DAB2: variants seen among roughly 807,000 people sequenced by gnomAD.
The protein encoded by DAB2 is DAB adaptor protein 2.
DAB2 carries 28 observed loss-of-function variants against 71.6 expected under a neutral mutation model. The observed-to-expected ratio is 0.39, with a 90% CI of 0.29 to 0.54. DAB2 has a LOEUF of 0.54. Among genes scored for constraint, DAB2 ranks in the 20% least tolerant of loss-of-function variants. The pLI is 0.68. For synonymous variants in DAB2, 345 were observed against 339.7 expected (o/e 1.02, Z -0.17); for missense variants, 867 against 928.8 (o/e 0.93, Z 0.86).
At chr5:39,414,793 T>C (rs754302244) in intron 1 of DAB2, among the ~76,000 whole-genome samples, 23 of 152,148 alleles carry the variant, frequency 1.5e-4, no homozygotes, top group Non-Finnish European at 3.1e-4. Context: ...TTGCTCACTC[T>C]ATAATAAATT....
intron 2 of DAB2, among the ~76,000 whole-genome samples, 184 bp from the exon 3 acceptor site, chr5:39,393,577 G>A (rs1755286033): frequency 6.6e-6 from 1 of 152,096 alleles, no homozygotes; most frequent in Non-Finnish European, 1.5e-5. Context: ...AATCAACTGT[G>A]TATGGAGTTG....
Position 39,377,333 on chromosome 5 carries a change from T to C in DAB2, c.1505-51A>G, listed in dbSNP as rs552725652. Reference sequence around the variant, plus strand: ...TATCAGGAGTCAAGCTTGAAGAAGATTCTTGAATTTCAGAGAGCACAACTC... The same window carrying C: ...TATCAGGAGTCAAGCTTGAAGAAGACTCTTGAATTTCAGAGAGCACAACTC... On this transcript the variant is annotated intron_variant, in intron 11 of 14. Transcript: ENST00000320816. The C allele has an allele frequency of 1.1e-5, 17 of 1,554,368 alleles. No homozygotes were observed. The Admixed American group carries it at 3.0e-4, about 28-fold the overall frequency.
At chr5:39,390,195 C>T (rs1755192426) in intron 5 of DAB2, among the ~76,000 whole-genome samples, 2 of 152,268 alleles carry the variant, frequency 1.3e-5, no homozygotes, top group South Asian at 4.1e-4. Flanking sequence ...GAATAATTCA[C>T]CACTGTTGTG....
At chr5:39,399,002 G>A (rs1272288957) in intron 1 of DAB2, among the ~76,000 whole-genome samples, 1 of 152,002 alleles carries the variant, frequency 6.6e-6, no homozygotes, top group Non-Finnish European at 1.5e-5. Flanking sequence ...AAGGGATTGG[G>A]CCTAGAAAAG....
At chr5:39,418,875 G>A (rs139588161) in intron 1 of DAB2, among the ~76,000 whole-genome samples, 198 of 152,296 alleles carry the variant, frequency 1.3e-3, no homozygotes, top group African/African-American at 4.5e-3. Context: ...CAGGAGTTCT[G>A]AAGAGTTTTT....
At position 39,376,750 on chromosome 5, in the gene DAB2, C is replaced by G; in HGVS notation, c.2037G>C (p.Leu679Phe). 1 of 1,614,138 alleles carries G rather than the reference C, an allele frequency of 6.2e-7. No homozygotes were observed. ...RKGEQTSSGT[L>F]SAFASYFNSK... ...TGTTGAAATAACTGGCAAAGGCACT[C>G]AAAGTCCCAGAAGAAGTCTGCTCTC... Residue 679 changes from leucine (L) to phenylalanine (F), a missense_variant, in exon 12 of 15, where the codon TTG becomes TTC. Leu to Phe is a conservative substitution (Grantham distance 22). Transcript: ENST00000320816.
At chr5:39,375,235 TC>T (rs1754798031) in intron 13 of DAB2, 151 bp from the exon 14 acceptor site, 1 of 590,138 alleles carries the variant, frequency 1.7e-6, no homozygotes, top group Non-Finnish European at 3.0e-6. Flanking sequence ...TGTTTTGTTT[TC>T]ATCTGCTTGC....
intron 9 of DAB2, 161 bp downstream of exon 9, chr5:39,388,144 A>G (rs1025147188): frequency 6.6e-6 from 4 of 610,200 alleles, no homozygotes; most frequent in African/African-American, 1.9e-5. Flanking sequence ...TCCCATGGTG[A>G]CTTAAGATTC....
intron 1 of DAB2, among the ~76,000 whole-genome samples, chr5:39,399,286 G>A (rs1256859915): frequency 6.6e-6 from 1 of 152,124 alleles, no homozygotes; most frequent in Non-Finnish European, 1.5e-5. Context: ...CACAAGGCAA[G>A]GATTACAAAT....
chr5:39,400,293 C>T (rs940892740), intron 1 of DAB2, among the ~76,000 whole-genome samples: 5 of 151,288 alleles, frequency 3.3e-5, no homozygotes, highest in South Asian at 2.1e-4. Flanking sequence ...AGTGCAGTGG[C>T]GCAATCTCGG....
At chr5:39,409,580 C>T (rs1176542327) in intron 1 of DAB2, among the ~76,000 whole-genome samples, 1 of 152,150 alleles carries the variant, frequency 6.6e-6, no homozygotes, top group Non-Finnish European at 1.5e-5. Flanking sequence ...TCCAAGTTTA[C>T]ATACCTAAAA....
intron 9 of DAB2, among the ~76,000 whole-genome samples, chr5:39,383,995 C>T (rs746925357): frequency 3.9e-5 from 6 of 152,190 alleles, no homozygotes; most frequent in Non-Finnish European, 7.4e-5. Context: ...AGTCTCTCCT[C>T]TGGGCTTACC....
intron 1 of DAB2, among the ~76,000 whole-genome samples, chr5:39,404,612 T>C (rs1368243688): frequency 6.6e-6 from 1 of 151,720 alleles, no homozygotes; most frequent in Non-Finnish European, 1.5e-5. Flanking sequence ...AGAGTCTTGC[T>C]CTGTCTCCCA....
intron 1 of DAB2, among the ~76,000 whole-genome samples, chr5:39,395,941 T>TTTTTTTC (rs1293320797): frequency 1.1e-5 from 1 of 89,174 alleles, no homozygotes; most frequent in Non-Finnish European, 2.3e-5. Flanking sequence ...GATATTCTTT[T>TTTTTTTC]TTTTTTTTTT....
At chr5:39,401,071 C>T (rs1033994992) in intron 1 of DAB2, among the ~76,000 whole-genome samples, 2 of 152,212 alleles carry the variant, frequency 1.3e-5, no homozygotes, top group African/African-American at 4.8e-5. Flanking sequence ...ATACTTTATG[C>T]AAATCCTTCC....
At chr5:39,382,050 A>G (rs1295537187) in intron 10 of DAB2, among the ~76,000 whole-genome samples, 1 of 152,222 alleles carries the variant, frequency 6.6e-6, no homozygotes, top group Non-Finnish European at 1.5e-5. Context: ...GTATATTCTT[A>G]GGAGAGGTAA....
chr5:39,419,629 G>C (rs887629869), intron 1 of DAB2, among the ~76,000 whole-genome samples: 1 of 152,116 alleles, frequency 6.6e-6, no homozygotes, highest in African/African-American at 2.4e-5. Context: ...AAGTTTTATA[G>C]GTTAGAGAAA....
At chr5:39,386,736 T>A (rs1755106404) in intron 9 of DAB2, among the ~76,000 whole-genome samples, 1 of 152,190 alleles carries the variant, frequency 6.6e-6, no homozygotes, top group Non-Finnish European at 1.5e-5. Flanking sequence ...CCTATTCCAG[T>A]GGAATTCCAC....
intron 11 of DAB2, among the ~76,000 whole-genome samples, chr5:39,378,459 G>T (rs555776665): frequency 6.6e-6 from 1 of 152,226 alleles, no homozygotes; most frequent in Admixed American, 6.5e-5. Context: ...GGTTAGGGAC[G>T]TTTATGTTTC....
Sources: allele counts gnomAD v4.1 joint callset (sites outside exome capture counted in the v4.1 genomes callset), GRCh38; gene constraint gnomAD v4.1.1; transcripts MANE v1.5; gene names NCBI Gene and HGNC (gene_info 2026-07-23, HGNC 2026-07-21).